The following SYNE1 variants were observed in gnomAD, a reference collection of about 807,000 sequenced individuals.
SYNE1 encodes nesprin-1.
SYNE1 carries 616 observed loss-of-function variants against 1,111.0 expected under a neutral mutation model. The ratio of observed to expected loss-of-function variants is 0.55; its 90% CI spans 0.52 to 0.59. The LOEUF (loss-of-function observed/expected upper bound fraction) is 0.59. Ranked by LOEUF, SYNE1 falls within the 20% of genes least tolerant of loss-of-function variation. SYNE1 has a pLI of 0.00. For missense variants in SYNE1, 10,006 were observed against 10,417.0 expected (o/e 0.96, Z 1.72); for synonymous variants, 3,855 against 3,825.8 (o/e 1.01, Z -0.28).
chr6:152,569,278 G>A (rs1461408995), intron 3 of SYNE1, among the ~76,000 whole-genome samples: 1 of 152,154 alleles, frequency 6.6e-6, no homozygotes, highest in Admixed American at 6.6e-5. Flanking sequence ...GTGGTGCAGT[G>A]GTTCCCAGCA....
intron 3 of SYNE1, among the ~76,000 whole-genome samples, chr6:152,568,504 T>C (rs558948946): frequency 7.4e-4 from 112 of 152,208 alleles, no homozygotes; most frequent in South Asian, 1.7e-3. Flanking sequence ...GGTTTCACCA[T>C]CTTGGCTAGA....
At chr6:152,574,210 A>G (rs898271841) in intron 3 of SYNE1, among the ~76,000 whole-genome samples, 20 of 149,624 alleles carry the variant, frequency 1.3e-4, no homozygotes, top group Admixed American at 1.1e-3. Context: ...ATACATATAT[A>G]TATATATATA....
intron 21 of SYNE1, among the ~76,000 whole-genome samples, chr6:152,459,832 TAATCCTTGAAGAA>T (rs1347875063): frequency 5.3e-5 from 8 of 152,228 alleles, no homozygotes; most frequent in African/African-American, 1.9e-4. Flanking sequence ...TTCCAAAAAG[TAATCCTTGAAGAA>T]AGTGGGAGAG....
chr6:152,521,477 A>T (rs2099139182), intron 5 of SYNE1, among the ~76,000 whole-genome samples: 1 of 152,210 alleles, frequency 6.6e-6, no homozygotes. Flanking sequence ...CATTGCAAAA[A>T]TAATCCTGCT....
chr6:152,518,486 C>T (rs565740805), intron 6 of SYNE1, among the ~76,000 whole-genome samples: 1 of 151,992 alleles, frequency 6.6e-6, no homozygotes, highest in African/African-American at 2.4e-5. Flanking sequence ...CCCTGCTCCC[C>T]TTCTCCTTCC....
rs114393085 is a variant in SYNE1, at chr6:152,278,407, G to A, written c.18382-127C>T. The A allele has an allele frequency of 4.7e-3, 5,016 of 1,070,816 alleles. 146 individuals carry two copies. In the African/African-American group the frequency reaches 0.069, roughly 15 times the overall value. 66.3% of individuals were successfully genotyped at this position (1,070,816 alleles called of 1,614,324 possible). A position where few individuals can be genotyped will look rare whatever the true frequency, so the allele number is the denominator to read the frequency against. The stretch of plus-strand genomic sequence containing the variant: ...GGACAGGCTTTCATGATTTTTTGTA[G>A]TTTTCCCACGGCCTTGACGAGTAAG... On this transcript the variant is annotated intron_variant, in intron 97 of 145. Coordinates refer to ENST00000367255, the MANE Select transcript of SYNE1 (RefSeq NM_182961.4).
chr6:152,202,574 T>C (rs1043388975), intron 126 of SYNE1, among the ~76,000 whole-genome samples: 1 of 151,992 alleles, frequency 6.6e-6, no homozygotes, highest in Non-Finnish European at 1.5e-5. Flanking sequence ...AAACTCTCCA[T>C]ATTTATTGGA....
intron 144 of SYNE1, 69 bp downstream of exon 144, chr6:152,132,053 G>T (rs987123569): frequency 4.9e-6 from 7 of 1,421,554 alleles, no homozygotes; most frequent in Admixed American, 3.4e-5. Context: ...CCCTGTGGTG[G>T]GTGCAAATAC....
intron 123 of SYNE1, among the ~76,000 whole-genome samples, chr6:152,212,219 C>T (rs1436342027): frequency 6.6e-6 from 1 of 152,086 alleles, no homozygotes; most frequent in African/African-American, 2.4e-5. Flanking sequence ...TTACCACAAT[C>T]AATTTTAGAA....
intron 3 of SYNE1, among the ~76,000 whole-genome samples, chr6:152,618,181 G>T (rs1297500118): frequency 6.6e-6 from 1 of 152,032 alleles, no homozygotes; most frequent in African/African-American, 2.4e-5. Flanking sequence ...ACTTTTTTCT[G>T]TTGAATAGTA....
At chr6:152,553,063 G>A (rs1213211493) in intron 3 of SYNE1, among the ~76,000 whole-genome samples, 1 of 152,118 alleles carries the variant, frequency 6.6e-6, no homozygotes, top group Non-Finnish European at 1.5e-5. Flanking sequence ...GGCATATGTT[G>A]CATATATTTA....
intron 14 of SYNE1, among the ~76,000 whole-genome samples, chr6:152,479,493 A>G (rs749208537): frequency 3.6e-4 from 55 of 152,212 alleles, no homozygotes; most frequent in South Asian, 8.3e-4. Flanking sequence ...TTGTGGTCAC[A>G]TTTTAAGCCT....
At chr6:152,618,109 T>C (rs1407645898) in intron 3 of SYNE1, among the ~76,000 whole-genome samples, 1 of 152,198 alleles carries the variant, frequency 6.6e-6, no homozygotes, top group Non-Finnish European at 1.5e-5. Context: ...ATCTTTCTTA[T>C]TACAATATTG....
chr6:152,305,192 G>A (rs2095333017), intron 91 of SYNE1, among the ~76,000 whole-genome samples: 1 of 152,230 alleles, frequency 6.6e-6, no homozygotes, highest in Admixed American at 6.5e-5. Context: ...GAAAAGAGGT[G>A]TGAGTATCCT....
At chr6:152,418,937 C>G (rs1310986796) in intron 40 of SYNE1, among the ~76,000 whole-genome samples, 1 of 152,156 alleles carries the variant, frequency 6.6e-6, no homozygotes, top group African/African-American at 2.4e-5. Context: ...TCCTGAAGCC[C>G]CAGCCCCTAT....
chr6:152,122,942 T>C (rs2051873062), intron 145 of SYNE1, among the ~76,000 whole-genome samples: 1 of 152,222 alleles, frequency 6.6e-6, no homozygotes, highest in Admixed American at 6.5e-5. Flanking sequence ...TACCCCTTAA[T>C]GTGGTGAAAC....
At chr6:152,619,918 C>T (rs1407490) in intron 3 of SYNE1, among the ~76,000 whole-genome samples, 92,435 of 151,998 alleles carry the variant, frequency 0.61, 28,394 homozygotes, top group East Asian at 0.81. Context: ...TTATATTTAA[C>T]GTGTTCTTAA....
At chr6:152,460,137 T>C (rs1207325058) in intron 21 of SYNE1, among the ~76,000 whole-genome samples, 1 of 152,164 alleles carries the variant, frequency 6.6e-6, no homozygotes, top group Non-Finnish European at 1.5e-5. Flanking sequence ...TTCTCAGGGG[T>C]TGTCCTGAAC....
intron 131 of SYNE1, among the ~76,000 whole-genome samples, chr6:152,157,540 A>G (rs973212562): frequency 3.3e-5 from 5 of 152,200 alleles, no homozygotes; most frequent in African/African-American, 7.2e-5. Context: ...TGTACTGCAT[A>G]TTTCAAAATA....
Sources: allele counts gnomAD v4.1 joint callset (sites outside exome capture counted in the v4.1 genomes callset), GRCh38; gene constraint gnomAD v4.1.1; transcripts MANE v1.5; gene names NCBI Gene and HGNC (gene_info 2026-07-23, HGNC 2026-07-21).